The following ZC3H12B variants were observed in gnomAD, a reference collection of about 807,000 sequenced individuals.
ZC3H12B encodes the protein zinc finger CCCH-type containing 12B.
In ZC3H12B, 7 loss-of-function variants were observed where a neutral mutation model predicts 43.9. The observed-to-expected ratio is 0.16, with a 90% confidence interval of 0.09 to 0.30. The LOEUF (loss-of-function observed/expected upper bound fraction) is 0.30. Among genes scored for constraint, ZC3H12B ranks in the 10% least tolerant of loss-of-function variants. ZC3H12B has a pLI of 1.00. For synonymous variants in ZC3H12B, 222 were observed against 241.7 expected (o/e 0.92, Z 0.76); for missense variants, 475 against 670.2 (o/e 0.71, Z 3.22).
chrX:65,359,172 T>A, the ZC3H12B span, among the ~76,000 whole-genome samples: 4 of 111,269 alleles, frequency 3.6e-5, no homozygotes, highest in Non-Finnish European at 5.7e-5. Context: ...AAAAAAATCC[T>A]TTCAAGATAT....
the ZC3H12B span, chrX:65,328,248 A>G: frequency 3.9e-6 from 1 of 253,425 alleles, no homozygotes; most frequent in Non-Finnish European, 7.8e-6. Flanking sequence ...TATGCTCTCA[A>G]ATTTGTAGGG....
At chrX:65,190,325 T>C in the ZC3H12B span, among the ~76,000 whole-genome samples, 2 of 111,315 alleles carry the variant, frequency 1.8e-5, no homozygotes, top group African/African-American at 6.6e-5. Flanking sequence ...TTTTTTCTAA[T>C]TCTGTGAAGA....
intron 2 of ZC3H12B, among the ~76,000 whole-genome samples, chrX:65,369,234 A>C (rs944577009): frequency 5.4e-5 from 6 of 111,747 alleles, no homozygotes; most frequent in Non-Finnish European, 9.4e-5. Flanking sequence ...GGAAATCATC[A>C]TAGGAAGGGG....
At chrX:65,316,260 G>T in the ZC3H12B span, among the ~76,000 whole-genome samples, 4 of 112,226 alleles carry the variant, frequency 3.6e-5, no homozygotes, top group Non-Finnish European at 7.5e-5. Context: ...TTTGAGGATA[G>T]TGTACATGAA....
chrX:65,336,501 C>G, the ZC3H12B span, among the ~76,000 whole-genome samples: 1 of 112,669 alleles, frequency 8.9e-6, no homozygotes, highest in East Asian at 2.8e-4. Context: ...AGCCACTCTG[C>G]TTAGCACCAA....
chrX:65,125,671 T>C, the ZC3H12B span, among the ~76,000 whole-genome samples: 1 of 111,358 alleles, frequency 9.0e-6, no homozygotes, highest in Non-Finnish European at 1.9e-5. Flanking sequence ...GGTAAGTGCA[T>C]ATATAATTAG....
chrX:65,212,179 T>TTAAC, the ZC3H12B span, among the ~76,000 whole-genome samples: 3 of 49,622 alleles, frequency 6.0e-5, no homozygotes, highest in African/African-American at 2.5e-4. Context: ...TAATATTATA[T>TTAAC]ATTATATATT....
At chrX:65,243,901 A>G in the ZC3H12B span, among the ~76,000 whole-genome samples, 2 of 112,103 alleles carry the variant, frequency 1.8e-5, no homozygotes, top group East Asian at 2.8e-4. Flanking sequence ...ATTGTTGCTC[A>G]TATGTTGGAG....
chrX:65,328,993 G>A, the ZC3H12B span, among the ~76,000 whole-genome samples: 1 of 110,131 alleles, frequency 9.1e-6, no homozygotes, highest in South Asian at 3.9e-4. Context: ...ATTGTGAATA[G>A]TGCTGCAATA....
intron 3 of ZC3H12B, among the ~76,000 whole-genome samples, chrX:65,458,055 T>G: frequency 4.7e-5 from 1 of 21,470 alleles, no homozygotes; most frequent in Non-Finnish European, 7.6e-5. Flanking sequence ...CACCCAAGAA[T>G]GATCAATAAA....
the ZC3H12B span, among the ~76,000 whole-genome samples, chrX:65,319,949 A>C: frequency 8.9e-6 from 1 of 111,840 alleles, no homozygotes; most frequent in Non-Finnish European, 1.9e-5. Flanking sequence ...ATTTGTGGCA[A>C]ACCCACATCC....
At chrX:65,458,068 AAAAAAAAAAAAAAAATT>A (rs1185123214) in intron 3 of ZC3H12B, among the ~76,000 whole-genome samples, 3 of 88,630 alleles carry the variant, frequency 3.4e-5, no homozygotes, top group African/African-American at 1.6e-4. Context: ...TCAATAAAAA[AAAAAAAAAAAAAAAATT>A]AAAAAAAAAA....
chrX:65,351,579 G>T, the ZC3H12B span, among the ~76,000 whole-genome samples: 4 of 112,173 alleles, frequency 3.6e-5, no homozygotes, highest in Non-Finnish European at 7.5e-5. Flanking sequence ...CTGACAAAGG[G>T]CTAATATCCA....
chrX:65,251,821 TA>T, the ZC3H12B span, among the ~76,000 whole-genome samples: 1 of 111,044 alleles, frequency 9.0e-6, no homozygotes, highest in African/African-American at 3.3e-5. Flanking sequence ...CTTATCAGCT[TA>T]AGGAAATTTT....
the ZC3H12B span, among the ~76,000 whole-genome samples, chrX:65,133,627 G>A: frequency 1.8e-5 from 2 of 111,311 alleles, no homozygotes; most frequent in Non-Finnish European, 1.9e-5. Flanking sequence ...AACTAAGCCG[G>A]ACTGGGTGTG....
chrX:65,131,771 A>C, the ZC3H12B span, among the ~76,000 whole-genome samples: 1 of 111,602 alleles, frequency 9.0e-6, no homozygotes, highest in Admixed American at 9.5e-5. Flanking sequence ...ATGTGCTTTC[A>C]TGAAGAATTA....
At chrX:65,221,402 A>C in the ZC3H12B span, among the ~76,000 whole-genome samples, 5 of 111,853 alleles carry the variant, frequency 4.5e-5, no homozygotes, top group African/African-American at 1.3e-4. Flanking sequence ...AAATAAAACA[A>C]AAAGCTGGTT....
chrX:65,183,149 A>G, the ZC3H12B span, among the ~76,000 whole-genome samples: 1 of 112,003 alleles, frequency 8.9e-6, no homozygotes. Context: ...ACTATTCACA[A>G]TAGCAAAGAC....
At chrX:65,290,351 A>T in the ZC3H12B span, among the ~76,000 whole-genome samples, 1 of 111,235 alleles carries the variant, frequency 9.0e-6, no homozygotes, top group Non-Finnish European at 1.9e-5. Flanking sequence ...ATTTTGGCAA[A>T]GATGTGGGGA....
Sources: gnomAD v4.1 joint callset for allele counts (sites outside exome capture counted in the v4.1 genomes callset) on GRCh38, gnomAD v4.1.1 for gene constraint, MANE v1.5 for transcripts, NCBI Gene and HGNC (gene_info 2026-07-23, HGNC 2026-07-21) for gene names.